Variants in ZNF638 observed in about 807,000 individuals in gnomAD.
ZNF638 encodes the protein zinc finger protein 638, also known as CTCL tumor antigen se33-1.
In ZNF638, 46 loss-of-function variants were observed where a neutral mutation model predicts 195.6. That is an observed-to-expected ratio of 0.24 (90% CI 0.19 to 0.30). The LOEUF (loss-of-function observed/expected upper bound fraction) is 0.30, where lower values mean the gene tolerates loss of function less well. Ranked by LOEUF, ZNF638 falls within the 10% of genes least tolerant of loss-of-function variation. ZNF638 has a pLI of 1.00. For synonymous variants in ZNF638, 845 were observed against 772.0 expected, an observed-to-expected ratio of 1.09 and a Z score of -1.57; for missense variants, 2,440 against 2,325.3, an observed-to-expected ratio of 1.05 and a Z score of -1.01.
At chr2:71,424,559 CTGTTTTTTTTTGTTTTT>C (rs2080497505) in intron 22 of ZNF638, 74 bp from the exon 23 acceptor site, 7 of 1,003,974 alleles carry the variant, frequency 7.0e-6, no homozygotes, top group African/African-American at 1.7e-5. Flanking sequence ...GTAATGTTTA[CTGTTTTTTTTTGTTTTT>C]TGTTTTTTTT....
intron 22 of ZNF638, 76 bp from the exon 23 acceptor site, chr2:71,424,574 T>C: frequency 7.8e-7 from 1 of 1,289,268 alleles, no homozygotes; most frequent in Non-Finnish European, 1.1e-6. Context: ...TTTTTTTGTT[T>C]TTTGTTTTTT....
At chr2:71,379,950 G>T in intron 8 of ZNF638, 1 of 230,370 alleles carries the variant, frequency 4.3e-6, no homozygotes, top group Admixed American at 5.7e-5. Flanking sequence ...AGTATATATA[G>T]GGTTCAGCAC....
chr2:71,353,150 T>C (rs1040504631), intron 2 of ZNF638, among the ~76,000 whole-genome samples: 1 of 152,250 alleles, frequency 6.6e-6, no homozygotes, highest in Non-Finnish European at 1.5e-5. Flanking sequence ...TTGTAAACTT[T>C]TTCCTATTGA....
chr2:71,410,988 C>G (rs1186035551), intron 20 of ZNF638, among the ~76,000 whole-genome samples: 2 of 93,006 alleles, frequency 2.2e-5, no homozygotes. Flanking sequence ...CCACCTCCCC[C>G]CCCCTTTTTT....
chr2:71,405,679 T>C, intron 18 of ZNF638, 37 bp downstream of exon 18: 4 of 1,366,658 alleles, frequency 2.9e-6, no homozygotes, highest in Non-Finnish European at 4.1e-6. Flanking sequence ...TATACTTATT[T>C]AATTGATGGA....
At chr2:71,409,499 GTAA>G (rs1387067713) in intron 20 of ZNF638, among the ~76,000 whole-genome samples, 1 of 152,156 alleles carries the variant, frequency 6.6e-6, no homozygotes, top group Non-Finnish European at 1.5e-5. Context: ...GCAGAATTAA[GTAA>G]TAATGAGAAT....
chr2:71,406,313 T>C, intron 19 of ZNF638, 51 bp downstream of exon 19: 1 of 1,530,360 alleles, frequency 6.5e-7, no homozygotes, highest in Non-Finnish European at 9.0e-7. Flanking sequence ...GAATGTATAA[T>C]AACCCTGTAT....
intron 10 of ZNF638, 59 bp from the exon 11 acceptor site, chr2:71,396,082 C>T (rs1468651116): frequency 6.7e-7 from 1 of 1,502,568 alleles, no homozygotes; most frequent in Non-Finnish European, 9.2e-7. Flanking sequence ...TGACTTTTAA[C>T]TAAATCCAAG....
At position 71,434,856 on chromosome 2, in the gene ZNF638, AT is replaced by A. The variant is rs2080734983; in HGVS notation, c.*52del. On this transcript the variant is annotated 3_prime_UTR_variant, in exon 28 of 28. Coordinates refer to ENST00000264447, the MANE Select transcript of ZNF638 (RefSeq NM_014497.5). ...TAGAAATTTGTTTAGGGTCCAGTTG[AT>A]TTGTGTATTTTTGTTATCATTTAAT... The A allele has an allele frequency of 1.4e-6, 2 of 1,468,112 alleles. No individual in the cohort carries two copies. Among genetic ancestry groups the A allele is most frequent in the Non-Finnish European group, 1.9e-6 (2 of 1,080,298 alleles). 90.9% of individuals were successfully genotyped at this position (1,468,112 alleles called of 1,614,324 possible). A position where few individuals can be genotyped will look rare whatever the true frequency, so the allele number is the denominator to read the frequency against.
intron 3 of ZNF638, among the ~76,000 whole-genome samples, chr2:71,360,583 CT>C (rs1258827934): frequency 2.4e-4 from 35 of 147,350 alleles, no homozygotes; most frequent in Middle Eastern, 3.5e-3. Context: ...TTTTGTTTGT[CT>C]TTTTTTTTTG....
chr2:71,391,578 A>T (rs2079779031), intron 10 of ZNF638, among the ~76,000 whole-genome samples: 2 of 152,234 alleles, frequency 1.3e-5, no homozygotes, highest in South Asian at 4.1e-4. Context: ...TAATCATAGC[A>T]CCTGAAAAAG....
chr2:71,367,738 C>CTTTT (rs60228089), intron 6 of ZNF638, among the ~76,000 whole-genome samples: 16 of 145,004 alleles, frequency 1.1e-4, no homozygotes, highest in South Asian at 4.5e-4. Context: ...CAGGCCTGGC[C>CTTTT]TTTTTTTTTT....
At chr2:71,420,167 G>C (rs76063492) in intron 21 of ZNF638, among the ~76,000 whole-genome samples, 1,566 of 151,566 alleles carry the variant, frequency 0.01, 64 homozygotes, top group East Asian at 0.073. Context: ...GGCACAAGCT[G>C]TTTTCCCACC....
chr2:71,386,434 A>G (rs2079641780), intron 10 of ZNF638, among the ~76,000 whole-genome samples: 1 of 152,226 alleles, frequency 6.6e-6, no homozygotes, highest in Non-Finnish European at 1.5e-5. Context: ...CATTAGATGC[A>G]TTCCCATTAA....
intron 10 of ZNF638, 119 bp downstream of exon 10, chr2:71,380,684 T>A (rs1204904669): frequency 1.5e-6 from 1 of 679,694 alleles, no homozygotes; most frequent in Admixed American, 3.4e-5. Flanking sequence ...CAAATTACAT[T>A]CTTTAATTGG....
chr2:71,356,386 ACT>A (rs2079023077), intron 3 of ZNF638, among the ~76,000 whole-genome samples: 1 of 152,080 alleles, frequency 6.6e-6, no homozygotes, highest in Non-Finnish European at 1.5e-5. Flanking sequence ...ATCAAATTAA[ACT>A]CTGTCTTCCC....
chr2:71,365,190 CA>C (rs1156972077), intron 5 of ZNF638, among the ~76,000 whole-genome samples: 2 of 151,996 alleles, frequency 1.3e-5, no homozygotes, highest in African/African-American at 2.4e-5. Flanking sequence ...AAATATAACA[CA>C]AATCTTTGTA....
chr2:71,414,233 ATTTC>A (rs1183868064), intron 20 of ZNF638, among the ~76,000 whole-genome samples: 1 of 32,102 alleles, frequency 3.1e-5, no homozygotes, highest in African/African-American at 1.4e-4. Flanking sequence ...GAATGTATCC[ATTTC>A]TTCTAGATTT....
In ZNF638 at chr2:71,427,408, T is replaced by A; in HGVS notation, c.5539T>A (p.Leu1847Ile). Residue 1847 changes from leucine to isoleucine, a missense_variant, in exon 24 of 28, where the codon TTA (leucine) becomes ATA (isoleucine). Leu to Ile is a conservative substitution (Grantham distance 5). Around this residue, in one of 5 missense-constraint regions of ZNF638, gnomAD observed 1,883 missense variants for 1,739.1 expected, o/e 1.08. Coordinates refer to ENST00000264447, the MANE Select transcript of ZNF638 (RefSeq NM_014497.5). ...EDLKTMIERH[L>I]TAKTPTKRVR... ...TCTAAAAACCATGATTGAAAGACAC[T>A]TAACAGGTAGATACTTGGAAGGGGT... The A allele has an allele frequency of 6.4e-7, 1 of 1,553,694 alleles. No individual in the cohort carries two copies. The highest frequency in any genetic ancestry group is 8.6e-7 in the Non-Finnish European group (1 of 1,159,334).
Sources: gnomAD v4.1 joint callset for allele counts (sites outside exome capture counted in the v4.1 genomes callset) on GRCh38, gnomAD v4.1.1 for gene constraint, gnomAD v4.1.1 regional missense constraint, MANE v1.5 for transcripts, NCBI Gene and HGNC (gene_info 2026-07-23, HGNC 2026-07-21) for gene names.